RUFY4: variants seen among roughly 807,000 people sequenced by gnomAD.
The protein encoded by RUFY4 is RUN and FYVE domain containing 4, also known as RUN and FYVE domain-containing protein 4.
A neutral mutation model predicts 69.0 loss-of-function variants in RUFY4; 73 were observed. That is an observed-to-expected ratio of 1.06 (90% confidence interval 0.88 to 1.29). The LOEUF (loss-of-function observed/expected upper bound fraction) is 1.29. Among genes scored for constraint, RUFY4 ranks in the 50% most tolerant of loss-of-function variants. The pLI is 0.00. For missense variants in RUFY4, 770 were observed against 705.6 expected (o/e 1.09, Z -1.03); for synonymous variants, 287 against 271.8 (o/e 1.06, Z -0.55).
At position 218,078,586 on chromosome 2, in the gene RUFY4, C is replaced by T. The variant is rs1321578299; in HGVS notation, c.1355+2053C>T. 3.9e-5 allele frequency among the ~76,000 whole-genome samples: 6 copies of T among 152,302 alleles called. No individual in the cohort carries two copies. The East Asian group carries it at 1.2e-3, about 29-fold the overall frequency. Reference sequence around the variant, plus strand: ...AGAGGAAGATGGGAGCCACTGAGAGCTCAGAGTAGGAGAGAGACTTGACTT... The same window carrying T: ...AGAGGAAGATGGGAGCCACTGAGAGTTCAGAGTAGGAGAGAGACTTGACTT... On this transcript the variant is annotated intron_variant, in intron 8 of 10. Coordinates refer to ENST00000344321, the Ensembl canonical transcript of RUFY4.
At chr2:218,073,432 C>T (rs1440286401) in intron 5 of RUFY4, 46 bp downstream of exon 7, 1 of 1,561,764 alleles carries the variant, frequency 6.4e-7, no homozygotes, top group Non-Finnish European at 8.7e-7. Flanking sequence ...ACACCTGGTC[C>T]CATGGCCACC....
chr2:218,062,583 C>A (rs1169764240), intron 3 of RUFY4, among the ~76,000 whole-genome samples: 1 of 151,962 alleles, frequency 6.6e-6, no homozygotes, highest in Non-Finnish European at 1.5e-5. Context: ...CAGTGGCATG[C>A]ACCTGTAGTC....
At chr2:218,082,044 GCTGAGCCAGGGGCCTCCCAA>G (rs1689771128) in intron 8 of RUFY4, among the ~76,000 whole-genome samples, 2 of 152,200 alleles carry the variant, frequency 1.3e-5, no homozygotes, top group African/African-American at 4.8e-5. Context: ...CGCCCTCCCA[GCTGAGCCAGGGGCCTCCCAA>G]CTGAGCCAGA....
chr2:218,075,536 C>T (rs7423696), exon 7 of RUFY4: 456,696 of 1,543,918 alleles, frequency 0.3, 71,151 homozygotes, highest in Admixed American at 0.4. Context: ...TGCTGATGCC[C>T]AGCCCCAGAG....
In RUFY4 at chr2:218,045,066, T is replaced by G. The variant is rs187919165; in HGVS notation, c.-1158+9672T>G. On this transcript the variant is annotated intron_variant and NMD_transcript_variant, in intron 2 of 13. Coordinates refer to the RUFY4 transcript ENST00000457754. ...AACTAATTTACACTCCCACTAACAG[T>G]GTATAAGTGTTCCTTTTTCTCCCCA... Among the ~76,000 whole-genome samples the G allele has an allele frequency of 7.2e-5, 11 of 152,290 alleles. No homozygotes were observed. The East Asian group carries it at 2.1e-3, about 29-fold the overall frequency.
chr2:218,058,379 C>T (rs1466520031), intron 2 of RUFY4, among the ~76,000 whole-genome samples: 1 of 152,230 alleles, frequency 6.6e-6, no homozygotes, highest in Non-Finnish European at 1.5e-5. Flanking sequence ...AAGCATCTAT[C>T]ATGTGGGTAA....
At chr2:218,083,123 A>G (rs748760110) in exon 9 of RUFY4, 1 of 1,613,182 alleles carries the variant, frequency 6.2e-7, no homozygotes, top group Admixed American at 1.7e-5. Context: ...TCAGGAAGAG[A>G]GAGCCGAGCT....
chr2:218,047,348 A>T (rs982941606), intron 2 of RUFY4, among the ~76,000 whole-genome samples: 2 of 152,140 alleles, frequency 1.3e-5, no homozygotes, highest in African/African-American at 2.4e-5. Context: ...TTGTACTATG[A>T]CCACAAATAA....
chr2:218,084,633 T>C (rs1689848418), intron 9 of RUFY4, among the ~76,000 whole-genome samples: 3 of 152,144 alleles, frequency 2.0e-5, no homozygotes, highest in Admixed American at 6.5e-5. Context: ...CTCCAAAGAA[T>C]TTACTGTCAA....
At chr2:218,055,966 A>T (rs970878816) in intron 2 of RUFY4, among the ~76,000 whole-genome samples, 9 of 152,262 alleles carry the variant, frequency 5.9e-5, no homozygotes, top group African/African-American at 1.9e-4. Flanking sequence ...ATACTGCTAT[A>T]GGTAACTTGA....
At chr2:218,051,612 T>C (rs1688946204) in intron 2 of RUFY4, among the ~76,000 whole-genome samples, 1 of 147,096 alleles carries the variant, frequency 6.8e-6, no homozygotes, top group African/African-American at 2.5e-5. Flanking sequence ...AGGGCAGTAA[T>C]GAGACTTTAA....
rs377117730 is a variant in RUFY4, at chr2:218,089,350, G to A, written c.1601G>A (p.Arg534Gln). ...AAGATCTTTGGCCGATTTTCTCGGCGGTATCCATGCAGGTAAAGGGAAGGG... is the reference window on the plus strand; with the variant it reads ...AAGATCTTTGGCCGATTTTCTCGGCAGTATCCATGCAGGTAAAGGGAAGGG... Residue 534 changes from arginine to glutamine, a missense_variant, in exon 10 of 11, where the codon CGG becomes CAG. By Grantham distance (43) the Arg-to-Gln change is conservative. Transcript: ENST00000344321. 6.8e-6 allele frequency: 11 copies of A among 1,613,730 alleles called. No individual in the cohort carries two copies. The East Asian group carries it at 1.6e-4, about 23-fold the overall frequency.
At chr2:218,071,231 T>A (rs1361529677) in intron 2 of RUFY4, among the ~76,000 whole-genome samples, 5 of 152,182 alleles carry the variant, frequency 3.3e-5, no homozygotes, top group African/African-American at 1.2e-4. Context: ...TCAGCCTCTA[T>A]ATGCCTGGCT....
intron 3 of RUFY4, among the ~76,000 whole-genome samples, chr2:218,064,231 G>A (rs113332153): frequency 2.0e-5 from 3 of 152,250 alleles, no homozygotes; most frequent in East Asian, 1.9e-4. Context: ...AAGGCCAGGC[G>A]CCTGGAAGCA....
exon 2 of RUFY4, chr2:218,070,784 G>C (rs959820393): frequency 1.3e-6 from 2 of 1,537,098 alleles, no homozygotes; most frequent in Admixed American, 3.9e-5. Context: ...AGGGCTATGG[G>C]GATGGGCAGG....
chr2:218,035,138 G>A (rs114340447), exon 1 of RUFY4: 1,874 of 152,616 alleles, frequency 0.012, 41 homozygotes, highest in African/African-American at 0.042. Context: ...GACGGACTCT[G>A]GCAGCAGAGC....
intron 4 of RUFY4, 66 bp downstream of exon 6, chr2:218,072,951 C>A: frequency 7.7e-7 from 1 of 1,301,838 alleles, no homozygotes; most frequent in Non-Finnish European, 1.0e-6. Context: ...TGTAAAAGAG[C>A]CCTCCTTTAA....
chr2:218,062,496 T>A (rs183457578), intron 3 of RUFY4, among the ~76,000 whole-genome samples: 1 of 151,658 alleles, frequency 6.6e-6, no homozygotes, highest in East Asian at 2.0e-4. Flanking sequence ...GCGGATTGCC[T>A]GAGCAGGAGT....
intron 2 of RUFY4, 29 bp downstream of exon 4, chr2:218,070,888 C>T: frequency 6.7e-7 from 1 of 1,495,244 alleles, no homozygotes; most frequent in Non-Finnish European, 9.0e-7. Context: ...CTTCCCCATC[C>T]CTCTCCCCAG....
Sources: allele counts gnomAD v4.1 joint callset (sites outside exome capture counted in the v4.1 genomes callset), GRCh38; gene constraint gnomAD v4.1.1; transcripts MANE v1.5; gene names NCBI Gene and HGNC (gene_info 2026-07-23, HGNC 2026-07-21).